The following LCOR variants were observed in gnomAD, a reference collection of about 807,000 sequenced individuals.
The protein encoded by LCOR is ligand dependent nuclear receptor corepressor, also known as ligand-dependent corepressor.
LCOR carries 14 observed loss-of-function variants against 64.4 expected under a neutral mutation model. The observed-to-expected ratio is 0.22, with a 90% CI of 0.14 to 0.34. The LOEUF (loss-of-function observed/expected upper bound fraction) is 0.34. Among genes scored for constraint, LCOR ranks in the 10% least tolerant of loss-of-function variants. The pLI is 1.00. For synonymous variants in LCOR, 643 were observed against 642.5 expected (o/e 1.00, Z -0.01); for missense variants, 1,686 against 1,765.3 (o/e 0.96, Z 0.80).
At chr10:96,856,851 G>GC (rs1356428985) in intron 2 of LCOR, among the ~76,000 whole-genome samples, 43 of 147,056 alleles carry the variant, frequency 2.9e-4, no homozygotes, top group Admixed American at 2.8e-3. Flanking sequence ...GGTAGACAAT[G>GC]CAAAAAAAAA....
At chr10:96,888,385 A>T (rs1846382378) in intron 2 of LCOR, among the ~76,000 whole-genome samples, 1 of 150,246 alleles carries the variant, frequency 6.7e-6, no homozygotes, top group African/African-American at 2.5e-5. Flanking sequence ...AAAAAAAAAA[A>T]AAAAAAGAAC....
chr10:96,868,707 T>C (rs1589617672), intron 2 of LCOR, among the ~76,000 whole-genome samples: 1 of 152,214 alleles, frequency 6.6e-6, no homozygotes, highest in East Asian at 1.9e-4. Context: ...AGTATTATAC[T>C]ATTCTTTCAT....
intron 5 of LCOR, among the ~76,000 whole-genome samples, chr10:96,946,490 A>G (rs1337353446): frequency 1.3e-5 from 2 of 152,076 alleles, no homozygotes; most frequent in African/African-American, 4.8e-5. Context: ...GTATTAAAAA[A>G]GTTAGATTTG....
chr10:96,847,310 GA>G (rs1386284306), intron 2 of LCOR, among the ~76,000 whole-genome samples: 1 of 137,758 alleles, frequency 7.3e-6, no homozygotes, highest in Non-Finnish European at 1.5e-5. Context: ...GGAGTTACCA[GA>G]AGCTATAATA....
At position 96,955,544 on chromosome 10, in the gene LCOR, A is replaced by G. The variant is rs748927630; in HGVS notation, c.332+3348A>G. The G allele has an allele frequency of 5.0e-6, 8 of 1,614,040 alleles. No homozygotes were observed. The East Asian group carries it at 1.3e-4, about 27-fold the overall frequency. On this transcript the variant is annotated intron_variant, in intron 7 of 7. Coordinates refer to ENST00000421806, the MANE Select transcript of LCOR (RefSeq NM_001346516.2). ...GTAGAAAAAGCATGTTAGATGCTGG[A>G]CCCGATTCTTGGGGCTCAGATGCTG...
Position 96,985,098 on chromosome 10 carries a change from T to C in LCOR, c.4638T>C (p.Cys1546=). Residue 1546 remains cysteine, a synonymous_variant, in exon 8 of 8, where the codon TGT becomes TGC. Coordinates refer to ENST00000421806, the MANE Select transcript of LCOR (RefSeq NM_001346516.2). The part of the protein sequence containing the change: ...RKRKLKAKLD[C]SHSKRRRLDA... ...GAAAGCTGAAGGCAAAGCTGGACTG[T>C]TCGCACAGCAAACGGAGGCGGCTGG... The C allele has an allele frequency of 6.2e-7, 1 of 1,604,946 alleles. No individual in the cohort carries two copies. The highest frequency in any genetic ancestry group is 8.5e-7 in the Non-Finnish European group (1 of 1,177,288).
intron 4 of LCOR, among the ~76,000 whole-genome samples, chr10:96,924,531 T>A (rs1401124184): frequency 6.6e-6 from 1 of 152,064 alleles, no homozygotes; most frequent in Non-Finnish European, 1.5e-5. Context: ...TGTGAGCTAC[T>A]GCGCCCAGCC....
chr10:96,975,506 C>G (rs1369946745), intron 7 of LCOR, among the ~76,000 whole-genome samples: 1 of 151,772 alleles, frequency 6.6e-6, no homozygotes, highest in Non-Finnish European at 1.5e-5. Flanking sequence ...CAGCCACTAT[C>G]TTTGTTACCT....
chr10:96,874,251 C>A (rs147876473), intron 2 of LCOR, among the ~76,000 whole-genome samples: 1 of 152,150 alleles, frequency 6.6e-6, no homozygotes, highest in East Asian at 1.9e-4. Context: ...CTTCCACGTG[C>A]GCCATCATTA....
chr10:96,899,988 A>G (rs1846606038), intron 2 of LCOR, among the ~76,000 whole-genome samples: 1 of 151,172 alleles, frequency 6.6e-6, no homozygotes, highest in South Asian at 2.1e-4. Context: ...GATTTTTATT[A>G]TAGTCACAGA....
chr10:96,920,402 G>A (rs188602512), intron 4 of LCOR, among the ~76,000 whole-genome samples: 6,244 of 144,896 alleles, frequency 0.043, 556 homozygotes, highest in African/African-American at 0.15. Context: ...GTGTATATAT[G>A]TGTATATATG....
chr10:96,956,097 A>G (rs1034275704), intron 7 of LCOR: 12 of 1,423,910 alleles, frequency 8.4e-6, no homozygotes, highest in African/African-American at 5.8e-5. Context: ...CATATTTTAA[A>G]TTTTTCATGT....
chr10:96,949,622 AAAGT>A (rs1423168773), intron 6 of LCOR, among the ~76,000 whole-genome samples: 1 of 152,198 alleles, frequency 6.6e-6, no homozygotes, highest in African/African-American at 2.4e-5. Flanking sequence ...CTCCTATGAA[AAAGT>A]AAGTTTTCTT....
intron 2 of LCOR, among the ~76,000 whole-genome samples, chr10:96,900,478 A>G (rs1017401217): frequency 4.6e-5 from 7 of 152,108 alleles, no homozygotes; most frequent in Non-Finnish European, 7.4e-5. Context: ...AATGAAATCA[A>G]TGATATAATA....
intron 2 of LCOR, among the ~76,000 whole-genome samples, chr10:96,834,656 A>T (rs1426409687): frequency 6.6e-6 from 1 of 152,006 alleles, no homozygotes; most frequent in Non-Finnish European, 1.5e-5. Flanking sequence ...TTTGTTAGTG[A>T]TTGGTTTTTT....
intron 5 of LCOR, among the ~76,000 whole-genome samples, chr10:96,945,258 A>G (rs780161887): frequency 4.3e-4 from 66 of 152,152 alleles, no homozygotes; most frequent in Non-Finnish European, 7.9e-4. Flanking sequence ...TAAAAGTCTG[A>G]TAAGTGCTGG....
intron 2 of LCOR, among the ~76,000 whole-genome samples, chr10:96,839,523 C>G (rs1459885164): frequency 3.3e-5 from 5 of 152,108 alleles, no homozygotes; most frequent in Admixed American, 3.3e-4. Context: ...CTATATTGCC[C>G]TGTCACAAAT....
chr10:96,888,142 G>A (rs903793574), intron 2 of LCOR, among the ~76,000 whole-genome samples: 13 of 151,010 alleles, frequency 8.6e-5, no homozygotes, highest in Non-Finnish European at 1.5e-4. Context: ...CGAGGTTGGC[G>A]GATCATGAGG....
chr10:96,877,794 G>T (rs1303829669), intron 2 of LCOR, among the ~76,000 whole-genome samples: 1 of 151,712 alleles, frequency 6.6e-6, no homozygotes, highest in African/African-American at 2.4e-5. Context: ...TGTATTTTTA[G>T]TAGAGACGGG....
Sources: allele counts gnomAD v4.1 joint callset (sites outside exome capture counted in the v4.1 genomes callset), GRCh38; gene constraint gnomAD v4.1.1; transcripts MANE v1.5; gene names NCBI Gene and HGNC (gene_info 2026-07-23, HGNC 2026-07-21).